Variants in CNTNAP4 observed in about 807,000 individuals in gnomAD.
The protein encoded by CNTNAP4 is contactin associated protein family member 4, also known as contactin-associated protein-like 4.
In CNTNAP4, 98 loss-of-function variants were observed where a neutral mutation model predicts 148.4. That is an observed-to-expected ratio of 0.66 (90% confidence interval 0.56 to 0.78). CNTNAP4 has a LOEUF of 0.78. Among genes scored for constraint, CNTNAP4 ranks in the 30% least tolerant of loss-of-function variants. The pLI, the probability that CNTNAP4 is intolerant of heterozygous loss-of-function variation, is 0.00. For synonymous variants in CNTNAP4, 730 were observed against 565.1 expected (o/e 1.29, Z -4.14); for missense variants, 1,935 against 1,565.6 (o/e 1.24, Z -3.98).
chr16:76,418,340 GCTTTT>G (rs2079058757), intron 3 of CNTNAP4, among the ~76,000 whole-genome samples: 1 of 119,460 alleles, frequency 8.4e-6, no homozygotes. Context: ...TTCTATTACA[GCTTTT>G]TTTTTCTTTG....
intron 1 of CNTNAP4, among the ~76,000 whole-genome samples, chr16:76,288,165 A>G (rs1173164429): frequency 1.3e-5 from 2 of 151,950 alleles, no homozygotes; most frequent in Non-Finnish European, 2.9e-5. Flanking sequence ...TGATGGTTTT[A>G]TAGGAGGCTT....
At chr16:76,450,235 C>T (rs911360542) in intron 7 of CNTNAP4, among the ~76,000 whole-genome samples, 7 of 151,970 alleles carry the variant, frequency 4.6e-5, no homozygotes, top group African/African-American at 7.3e-5. Context: ...CTGCAGCCTC[C>T]GCCTCCCAGA....
Position 76,540,714 on chromosome 16 carries a change from T to C in CNTNAP4, c.3366T>C (p.Asn1122=). The change falls in exon 21 of 24, where the codon AAT becomes AAC. Residue 1122 remains asparagine, a synonymous_variant. Transcript: ENST00000611870. ...TAATAATTTTGTAGATTGACGATAA[T>C]AGAAGGAGACAAGTTCACCTGTCAT... is the stretch of plus-strand genomic sequence containing the variant. The part of the protein sequence containing the change: ...EGVVFIEIDD[N]RRRQVHLSSG... 1.9e-6 allele frequency: 3 copies of C among 1,567,724 alleles called. No homozygotes were observed. The highest frequency in any genetic ancestry group is 2.6e-6 in the Non-Finnish European group (3 of 1,153,924).
chr16:76,318,768 TAATC>T (rs973989671), intron 2 of CNTNAP4, among the ~76,000 whole-genome samples: 1 of 138,046 alleles, frequency 7.2e-6, no homozygotes, highest in Non-Finnish European at 1.5e-5. Context: ...TTCATAATAA[TAATC>T]ATAATCATAA....
chr16:76,292,576 T>C (rs755980859), intron 1 of CNTNAP4, among the ~76,000 whole-genome samples: 6 of 152,226 alleles, frequency 3.9e-5, no homozygotes, highest in Non-Finnish European at 7.3e-5. Flanking sequence ...ACCATCAGCC[T>C]AGTGTCTTCT....
chr16:76,409,985 G>A (rs572277890), intron 3 of CNTNAP4, among the ~76,000 whole-genome samples: 371 of 151,930 alleles, frequency 2.4e-3, no homozygotes, highest in African/African-American at 8.5e-3. Flanking sequence ...ATCAGACTTT[G>A]GAAGTAAGTA....
At chr16:76,387,091 AG>A (rs2016576245) in intron 3 of CNTNAP4, among the ~76,000 whole-genome samples, 1 of 152,190 alleles carries the variant, frequency 6.6e-6, no homozygotes, top group African/African-American at 2.4e-5. Flanking sequence ...ATTTCAGCCC[AG>A]TGAAACCTGT....
chr16:76,424,654 G>A (rs1045612345), intron 3 of CNTNAP4, among the ~76,000 whole-genome samples: 1 of 152,136 alleles, frequency 6.6e-6, no homozygotes, highest in Admixed American at 6.6e-5. Flanking sequence ...AGCTACTTGG[G>A]AGGCTGAGGC....
chr16:76,383,249 A>G (rs181007074), intron 3 of CNTNAP4, among the ~76,000 whole-genome samples: 69 of 152,284 alleles, frequency 4.5e-4, no homozygotes, highest in African/African-American at 1.5e-3. Context: ...GTAAACTCCA[A>G]TGAAATAATG....
chr16:76,299,153 C>T (rs1157848941), intron 1 of CNTNAP4, among the ~76,000 whole-genome samples: 1 of 152,110 alleles, frequency 6.6e-6, no homozygotes, highest in African/African-American at 2.4e-5. Flanking sequence ...CAAATGGGAT[C>T]TAATTAAACT....
chr16:76,319,330 A>G (rs906789326), intron 2 of CNTNAP4, among the ~76,000 whole-genome samples: 2 of 152,068 alleles, frequency 1.3e-5, no homozygotes, highest in African/African-American at 2.4e-5. Flanking sequence ...GGGTGCAGGT[A>G]ACGTGAGCCA....
chr16:76,451,755 A>G (rs1010756380), intron 7 of CNTNAP4, among the ~76,000 whole-genome samples: 1 of 152,070 alleles, frequency 6.6e-6, no homozygotes, highest in African/African-American at 2.4e-5. Flanking sequence ...ATCAAGCTGC[A>G]GGTTAATGGG....
chr16:76,312,661 C>G (rs1256854655), intron 1 of CNTNAP4, among the ~76,000 whole-genome samples: 5 of 152,224 alleles, frequency 3.3e-5, no homozygotes, highest in African/African-American at 1.2e-4. Flanking sequence ...GATGGAACTC[C>G]TACACTTCAA....
intron 4 of CNTNAP4, among the ~76,000 whole-genome samples, chr16:76,435,302 C>G (rs1414611338): frequency 6.6e-6 from 1 of 152,110 alleles, no homozygotes; most frequent in Non-Finnish European, 1.5e-5. Flanking sequence ...GGCTTCCTAT[C>G]AGTTTTACTT....
chr16:76,435,319 A>G (rs2079781783), intron 4 of CNTNAP4, among the ~76,000 whole-genome samples: 1 of 152,168 alleles, frequency 6.6e-6, no homozygotes, highest in Admixed American at 6.6e-5. Flanking sequence ...ACTTCTAGGA[A>G]CACTGTGATT....
chr16:76,312,544 T>A (rs2144049670), intron 1 of CNTNAP4, among the ~76,000 whole-genome samples: 1 of 152,316 alleles, frequency 6.6e-6, no homozygotes, highest in Non-Finnish European at 1.5e-5. Context: ...TCTTCCTCTC[T>A]TGTCAAGACT....
At chr16:76,481,742 T>C (rs1173391868) in intron 12 of CNTNAP4, among the ~76,000 whole-genome samples, 2 of 152,182 alleles carry the variant, frequency 1.3e-5, no homozygotes, top group African/African-American at 2.4e-5. Flanking sequence ...GGAGATTTGG[T>C]ACTTAAAATT....
intron 3 of CNTNAP4, among the ~76,000 whole-genome samples, chr16:76,404,723 A>G (rs1168483673): frequency 7.9e-5 from 12 of 152,166 alleles, no homozygotes; most frequent in Admixed American, 7.9e-4. Context: ...TAGACATAGT[A>G]AAGATTTAAT....
At chr16:76,387,192 G>C (rs1042546331) in intron 3 of CNTNAP4, among the ~76,000 whole-genome samples, 3 of 152,142 alleles carry the variant, frequency 2.0e-5, no homozygotes, top group Non-Finnish European at 4.4e-5. Context: ...CTCCATGCCT[G>C]AGAAAATTGA....
Sources: allele counts gnomAD v4.1 joint callset (sites outside exome capture counted in the v4.1 genomes callset), GRCh38; gene constraint gnomAD v4.1.1; transcripts MANE v1.5; gene names NCBI Gene and HGNC (gene_info 2026-07-23, HGNC 2026-07-21).